Variants in RPH3AL observed in about 807,000 individuals in gnomAD.
RPH3AL encodes the protein rab effector Noc2.
Under a neutral mutation model 43.1 loss-of-function variants are expected in RPH3AL, and 38 were observed. That is an observed-to-expected ratio of 0.88 (90% CI 0.68 to 1.15). The LOEUF is 1.15. Among genes scored for constraint, RPH3AL ranks in the 50% most tolerant of loss-of-function variants. RPH3AL has a pLI of 0.00. For missense variants in RPH3AL, 462 were observed against 423.2 expected (o/e 1.09, Z -0.81); for synonymous variants, 189 against 176.3 (o/e 1.07, Z -0.57).
In RPH3AL at chr17:243,087, A is replaced by C. The variant is rs535859472; in HGVS notation, c.613+4024T>G. On this transcript the variant is annotated intron_variant, in intron 7 of 9. Transcript: ENST00000331302. ...CTCTATTGATTACCTTCCTCTATTG[A>C]TTACCTTTCCTCTACTGATTACCTT... Among the ~76,000 whole-genome samples the C allele has an allele frequency of 1.6e-3, 202 of 129,526 alleles. 2 individuals carry two copies. Among genetic ancestry groups the C allele is most frequent in the African/African-American group, 5.8e-3 (195 of 33,378 alleles). The allele number at this position is 129,526 out of a possible 152,430, so 85.0% of individuals were successfully genotyped here. A position where few individuals can be genotyped will look rare whatever the true frequency, so the allele number is the denominator to read the frequency against.
In RPH3AL at chr17:274,013, G is replaced by T. The variant is rs1335802022; in HGVS notation, c.438+7755C>A. Among the ~76,000 whole-genome samples the T allele has an allele frequency of 6.6e-6, 1 of 152,174 alleles. No individual in the cohort carries two copies. Among genetic ancestry groups the T allele is most frequent in the African/African-American group, 2.4e-5 (1 of 41,432 alleles). On this transcript the variant is annotated intron_variant, in intron 6 of 9. Transcript: ENST00000331302. The surrounding 1 kb of genome is among the most constrained non-coding windows in gnomAD (Gnocchi z 4.7). ...CTGCAGGAATGGTTTGCAGAATCCT[G>T]GGGAATCTAGATTCCAGTGAACTTT...
chr17:234,100 A>C lies in RPH3AL; in HGVS notation c.613+13011T>G, dbSNP rs62056561. On this transcript the variant is annotated intron_variant, in intron 7 of 9. Coordinates refer to ENST00000331302, the MANE Select transcript of RPH3AL (RefSeq NM_006987.4). ...TTCCCCGAGCAGGGAGCGGCTACTTACCCTGACCAACTTCCCTGAGCAGGG... is the reference window on the plus strand; with the variant it reads ...TTCCCCGAGCAGGGAGCGGCTACTTCCCCTGACCAACTTCCCTGAGCAGGG... 4.5e-3 allele frequency among the ~76,000 whole-genome samples: 85 copies of C among 19,082 alleles called. 1 individual carries two copies. The highest frequency in any genetic ancestry group is 0.019 in the African/African-American group (80 of 4,136). 12.5% of individuals were successfully genotyped at this position (19,082 alleles called of 152,430 possible). A position where few individuals can be genotyped will look rare whatever the true frequency, so the allele number is the denominator to read the frequency against.
rs527331751 is a variant in RPH3AL at position 213,624 on chromosome 17, C to T, written c.*228G>A. 5.6e-5 allele frequency: 33 copies of T among 591,288 alleles called. No individual in the cohort carries two copies. The highest frequency in any genetic ancestry group is 9.3e-5 in the African/African-American group (5 of 53,642). The allele number at this position is 591,288 out of a possible 1,614,324, so 36.6% of individuals were successfully genotyped here. Reference sequence around the variant, plus strand: ...GGGAGGGGAGGGTAATAAATAAGGTCGGGGGCTGAGGGCAGTGGTTGGAGG... The same window carrying T: ...GGGAGGGGAGGGTAATAAATAAGGTTGGGGGCTGAGGGCAGTGGTTGGAGG... On this transcript the variant is annotated 3_prime_UTR_variant, in exon 10 of 10. Coordinates refer to ENST00000331302, the MANE Select transcript of RPH3AL (RefSeq NM_006987.4).
At chr17:301,762 C>T (rs1008860459) in intron 5 of RPH3AL, among the ~76,000 whole-genome samples, 10 of 152,162 alleles carry the variant, frequency 6.6e-5, no homozygotes, top group Admixed American at 2.0e-4. Context: ...CTGAGCCGAG[C>T]TGTGACCACG....
At chr17:270,706 T>C (rs953683837) in intron 6 of RPH3AL, among the ~76,000 whole-genome samples, 3 of 151,690 alleles carry the variant, frequency 2.0e-5, no homozygotes, top group Admixed American at 2.0e-4. Context: ...AAAAAAAAAA[T>C]TTCTCCCATT....
At chr17:223,051 G>A (rs1051233133) in intron 7 of RPH3AL, among the ~76,000 whole-genome samples, 8 of 152,076 alleles carry the variant, frequency 5.3e-5, no homozygotes, top group African/African-American at 1.7e-4. Context: ...TAAGCTTGGC[G>A]TTGTGATGGG....
At chr17:310,034 T>C (rs66468556) in intron 5 of RPH3AL, among the ~76,000 whole-genome samples, 79,540 of 150,818 alleles carry the variant, frequency 0.53, 22,664 homozygotes, top group East Asian at 0.69. Context: ...GGGACACCTT[T>C]GGCTGAGACC....
intron 6 of RPH3AL, among the ~76,000 whole-genome samples, chr17:251,376 CGAAGAAG>C (rs2041898417): frequency 6.6e-6 from 1 of 152,196 alleles, no homozygotes; most frequent in Non-Finnish European, 1.5e-5. Context: ...CCAGAAGCAT[CGAAGAAG>C]CTTATTATCT....
At position 253,675 on chromosome 17, in the gene RPH3AL, C is replaced by T. The variant is rs536626633; in HGVS notation, c.439-6390G>A. Among the ~76,000 whole-genome samples the T allele has an allele frequency of 1.6e-3, 207 of 133,040 alleles. 20 individuals are homozygous for T. The highest frequency in any genetic ancestry group is 4.4e-3 in the African/African-American group (149 of 33,672). 87.3% of individuals were successfully genotyped at this position (133,040 alleles called of 152,430 possible). A position where few individuals can be genotyped will look rare whatever the true frequency, so the allele number is the denominator to read the frequency against. ...CCAGTCTGCTGTCTGTCCCTAGGAA[C>T]GTTACTACCCTACGTACTTCCTATG... On this transcript the variant is annotated intron_variant, in intron 6 of 9. Coordinates refer to ENST00000331302, the MANE Select transcript of RPH3AL (RefSeq NM_006987.4).
At chr17:214,446 G>A (rs892396092) in intron 9 of RPH3AL, among the ~76,000 whole-genome samples, 2 of 152,178 alleles carry the variant, frequency 1.3e-5, no homozygotes, top group South Asian at 2.1e-4. Flanking sequence ...TTGAACTGCC[G>A]ATATTTCACT....
In RPH3AL at chr17:289,098, G is replaced by A. The variant is rs914484094; in HGVS notation, c.352-7244C>T. Among the ~76,000 whole-genome samples, 2 of 152,148 alleles carry A rather than the reference G, an allele frequency of 1.3e-5. No individual in the cohort carries two copies. Among genetic ancestry groups the A allele is most frequent in the East Asian group, 1.9e-4 (1 of 5,196 alleles). Reference sequence around the variant, plus strand: ...GGGGCAGGAGAGAGCAGGGTGTGCCGTTTAGAGGTGAACTTGGACTCGGTA... The same window carrying A: ...GGGGCAGGAGAGAGCAGGGTGTGCCATTTAGAGGTGAACTTGGACTCGGTA... On this transcript the variant is annotated intron_variant, in intron 5 of 9. Coordinates refer to ENST00000331302, the MANE Select transcript of RPH3AL (RefSeq NM_006987.4). This position sits in a 1 kb window ranked among gnomAD's most constrained non-coding sequence, Gnocchi z 5.2.
At chr17:337,857 G>A (rs1425616468) in intron 1 of RPH3AL, among the ~76,000 whole-genome samples, 1 of 152,160 alleles carries the variant, frequency 6.6e-6, no homozygotes, top group Admixed American at 6.5e-5. Context: ...TTTAACCTTG[G>A]AAAGTAAATC....
intron 7 of RPH3AL, among the ~76,000 whole-genome samples, chr17:231,328 C>A (rs1482694087): frequency 6.6e-6 from 1 of 152,182 alleles, no homozygotes; most frequent in African/African-American, 2.4e-5. Flanking sequence ...GCCTGCTTTG[C>A]CTGGAACTCC....
chr17:263,697 G>A (rs2042253585), intron 6 of RPH3AL, among the ~76,000 whole-genome samples: 1 of 152,188 alleles, frequency 6.6e-6, no homozygotes, highest in Non-Finnish European at 1.5e-5. Flanking sequence ...GCTTAAGGGA[G>A]GAAAGCTGGT....
At chr17:268,004 C>T (rs186499228) in intron 6 of RPH3AL, among the ~76,000 whole-genome samples, 20 of 152,232 alleles carry the variant, frequency 1.3e-4, no homozygotes, top group African/African-American at 4.8e-4. Flanking sequence ...CGTAAACCCA[C>T]CCTCCCTCTC....
chr17:233,392 C>T lies in RPH3AL; in HGVS notation c.614-13656G>A, dbSNP rs375730484. ...CCTAGAGAGGAAAAATGACTTCCAACGCCAAGACTGTCCGGCCCAGGAGTC... is the reference window on the plus strand; with the variant it reads ...CCTAGAGAGGAAAAATGACTTCCAATGCCAAGACTGTCCGGCCCAGGAGTC... On this transcript the variant is annotated intron_variant, in intron 7 of 9. Transcript: ENST00000331302. Among the ~76,000 whole-genome samples, 60 of 152,256 alleles carry T rather than the reference C, an allele frequency of 3.9e-4. 2 individuals are homozygous for T. The highest frequency in any genetic ancestry group is 1.3e-3 in the African/African-American group (53 of 41,548).
At chr17:250,835 G>C (rs1349165703) in intron 6 of RPH3AL, among the ~76,000 whole-genome samples, 1 of 150,582 alleles carries the variant, frequency 6.6e-6, no homozygotes, top group African/African-American at 2.5e-5. Flanking sequence ...CCTTTACCAA[G>C]CTCCATCACT....
intron 4 of RPH3AL, among the ~76,000 whole-genome samples, chr17:320,572 G>T (rs558810040): frequency 6.6e-5 from 10 of 152,132 alleles, no homozygotes; most frequent in Non-Finnish European, 1.0e-4. Context: ...CCAGGAAGTT[G>T]AGGCTGCAGT....
chr17:311,556 G>A (rs56957680), intron 5 of RPH3AL, among the ~76,000 whole-genome samples: 1,610 of 152,292 alleles, frequency 0.011, 33 homozygotes, highest in African/African-American at 0.036. Flanking sequence ...CCATCTTGAC[G>A]GTCAGGACGT....
Sources: gnomAD v4.1 joint callset for allele counts (sites outside exome capture counted in the v4.1 genomes callset) on GRCh38, gnomAD v4.1.1 for gene constraint, Gnocchi (gnomAD v3.1) non-coding constraint, MANE v1.5 for transcripts, NCBI Gene and HGNC (gene_info 2026-07-23, HGNC 2026-07-21) for gene names.